Variants in FBXL17 observed in about 807,000 individuals in gnomAD.
FBXL17 encodes the protein F-box/LRR-repeat protein 17.
Under a neutral mutation model 66.2 loss-of-function variants are expected in FBXL17, and 22 were observed. That is an observed-to-expected ratio of 0.33 (90% CI 0.24 to 0.47). The LOEUF is 0.47. FBXL17 is among the 20% of genes least tolerant of loss of function. FBXL17 has a pLI of 1.00. For synonymous variants in FBXL17, 474 were observed against 400.5 expected (o/e 1.18, Z -2.19); for missense variants, 878 against 948.2 (o/e 0.93, Z 0.97).
At chr5:108,142,978 T>TATAATAATA (rs10623997) in intron 6 of FBXL17, among the ~76,000 whole-genome samples, 36,639 of 144,886 alleles carry the variant, frequency 0.25, 4,833 homozygotes, top group Admixed American at 0.3. Flanking sequence ...GAACATAAAG[T>TATAATAATA]ATAATAATAA....
intron 1 of FBXL17, among the ~76,000 whole-genome samples, chr5:108,372,887 CTG>C (rs1251055542): frequency 6.6e-6 from 1 of 152,098 alleles, no homozygotes; most frequent in East Asian, 1.9e-4. Context: ...GTGCATATTA[CTG>C]TGTCTTTGGT....
At chr5:108,173,167 T>C (rs935468492) in intron 6 of FBXL17, among the ~76,000 whole-genome samples, 8 of 152,114 alleles carry the variant, frequency 5.3e-5, no homozygotes, top group Admixed American at 3.3e-4. Flanking sequence ...ATTGAGTATG[T>C]AGCACTACTA....
At chr5:107,900,031 C>T (rs1447307913) in intron 7 of FBXL17, among the ~76,000 whole-genome samples, 1 of 152,092 alleles carries the variant, frequency 6.6e-6, no homozygotes, top group Non-Finnish European at 1.5e-5. Context: ...TCCTTTATAA[C>T]ATATTTGAAA....
chr5:108,067,966 A>G (rs571623632), intron 6 of FBXL17, among the ~76,000 whole-genome samples: 3 of 152,210 alleles, frequency 2.0e-5, no homozygotes, highest in Admixed American at 1.3e-4. Context: ...GTATCAGCAC[A>G]TATCCTCAAA....
chr5:108,377,322 T>C (rs1749509180), intron 1 of FBXL17, among the ~76,000 whole-genome samples: 1 of 152,252 alleles, frequency 6.6e-6, no homozygotes, highest in Admixed American at 6.5e-5. Context: ...TGCCTTTTAA[T>C]TTATAGCTAC....
chr5:108,115,891 G>C lies in FBXL17; in HGVS notation c.1745+70226C>G, dbSNP rs1036561958. ...TACTTTAAAAGCTGAGGCAGTCAAG[G>C]CTCAAAGAGATTAAAATGAGCTTGT... is the stretch of plus-strand genomic sequence containing the variant. On this transcript the variant is annotated intron_variant, in intron 6 of 8. Transcript: ENST00000542267. Among the ~76,000 whole-genome samples, 4 of 152,126 alleles carry C rather than the reference G, an allele frequency of 2.6e-5. No individual in the cohort carries two copies. The East Asian group carries it at 7.7e-4, about 29-fold the overall frequency.
rs1749653252 is a variant in FBXL17 at position 108,379,102 on chromosome 5, A to G, written c.993+1597T>C. On this transcript the variant is annotated intron_variant, in intron 1 of 8. Transcript: ENST00000542267. ...AATATGAAAGAGAACAACGCGGTAT[A>G]GGATAAGTTTATTTTATTCTATTAG... 3.3e-5 allele frequency among the ~76,000 whole-genome samples: 5 copies of G among 152,370 alleles called. No homozygotes were observed. The South Asian group carries it at 1.0e-3, about 32-fold the overall frequency.
chr5:107,961,829 T>C (rs1272567054), intron 7 of FBXL17, among the ~76,000 whole-genome samples: 5 of 152,150 alleles, frequency 3.3e-5, no homozygotes, highest in African/African-American at 7.2e-5. Context: ...CAAATGATCA[T>C]GGGATAGGGT....
At chr5:108,190,563 A>T (rs550726034) in intron 5 of FBXL17, among the ~76,000 whole-genome samples, 1 of 152,190 alleles carries the variant, frequency 6.6e-6, no homozygotes, top group African/African-American at 2.4e-5. Flanking sequence ...GCTTCCATAT[A>T]TATCTTAACA....
chr5:108,276,793 C>T (rs1757499787), intron 4 of FBXL17, among the ~76,000 whole-genome samples: 1 of 151,964 alleles, frequency 6.6e-6, no homozygotes, highest in South Asian at 2.1e-4. Context: ...TTATTCAAGC[C>T]CTTAGACATT....
At chr5:108,203,999 A>G (rs1261660711) in intron 5 of FBXL17, among the ~76,000 whole-genome samples, 1 of 152,108 alleles carries the variant, frequency 6.6e-6, no homozygotes, top group African/African-American at 2.4e-5. Context: ...ATACAAGAAA[A>G]TATCAAAAGT....
intron 3 of FBXL17, among the ~76,000 whole-genome samples, chr5:108,348,738 A>T (rs7710381): frequency 6.6e-6 from 1 of 152,186 alleles, no homozygotes; most frequent in Non-Finnish European, 1.5e-5. Context: ...CGTTTCAACC[A>T]ACTCACATTA....
intron 4 of FBXL17, among the ~76,000 whole-genome samples, chr5:108,262,233 C>T (rs867162623): frequency 9.2e-5 from 14 of 151,808 alleles, no homozygotes; most frequent in South Asian, 2.1e-4. Flanking sequence ...CCCACCACCA[C>T]GCCCAGCTAA....
At chr5:107,961,962 T>C (rs1469853629) in intron 7 of FBXL17, among the ~76,000 whole-genome samples, 1 of 152,162 alleles carries the variant, frequency 6.6e-6, no homozygotes, top group Non-Finnish European at 1.5e-5. Context: ...AAGAAACTAA[T>C]TGTAAATGTG....
At chr5:108,149,890 T>A (rs1170901251) in intron 6 of FBXL17, among the ~76,000 whole-genome samples, 1 of 152,208 alleles carries the variant, frequency 6.6e-6, no homozygotes, top group Non-Finnish European at 1.5e-5. Flanking sequence ...AGCAGAGAAT[T>A]CTTGAGAGAC....
At chr5:107,911,988 G>C (rs1749963707) in intron 7 of FBXL17, among the ~76,000 whole-genome samples, 2 of 152,074 alleles carry the variant, frequency 1.3e-5, no homozygotes, top group Admixed American at 1.3e-4. Flanking sequence ...TCATTGGACA[G>C]AACAGCAAAT....
intron 6 of FBXL17, among the ~76,000 whole-genome samples, chr5:108,134,009 G>A (rs973026118): frequency 6.6e-6 from 1 of 152,066 alleles, no homozygotes; most frequent in African/African-American, 2.4e-5. Flanking sequence ...TGGCAGTAAG[G>A]TAAGGTTAAA....
chr5:108,013,187 T>C (rs943664541), intron 7 of FBXL17, among the ~76,000 whole-genome samples: 5 of 152,160 alleles, frequency 3.3e-5, no homozygotes, highest in African/African-American at 1.2e-4. Flanking sequence ...ACTTGATTAG[T>C]AGTGATAACC....
chr5:108,331,733 C>A (rs1467052824), intron 4 of FBXL17, among the ~76,000 whole-genome samples: 1 of 152,106 alleles, frequency 6.6e-6, no homozygotes, highest in East Asian at 1.9e-4. Flanking sequence ...GCTAGACATT[C>A]CTGACCAACT....
Sources: allele counts gnomAD v4.1 joint callset (sites outside exome capture counted in the v4.1 genomes callset), GRCh38; gene constraint gnomAD v4.1.1; transcripts MANE v1.5; gene names NCBI Gene and HGNC (gene_info 2026-07-23, HGNC 2026-07-21).